HPSE2: variants seen among roughly 807,000 people sequenced by gnomAD.
The protein encoded by HPSE2 is inactive heparanase-2.
HPSE2 carries 38 observed loss-of-function variants against 60.5 expected under a neutral mutation model. The observed-to-expected ratio is 0.63, with a 90% CI of 0.48 to 0.82. The LOEUF is 0.82. HPSE2 is among the 40% of genes least tolerant of loss of function. The probability of loss-of-function intolerance (pLI) is 0.00; values close to 1 mark genes in which losing one functional copy is unlikely to be tolerated. For synonymous variants in HPSE2, 295 were observed against 293.2 expected, an observed-to-expected ratio of 1.01 and a Z score of -0.06; for missense variants, 713 against 740.4, an observed-to-expected ratio of 0.96 and a Z score of 0.43.
chr10:98,733,689 C>T (rs1949282291), intron 4 of HPSE2, among the ~76,000 whole-genome samples: 1 of 152,050 alleles, frequency 6.6e-6, no homozygotes, highest in Admixed American at 6.6e-5. Context: ...GGAAGTGCTA[C>T]ATAAACTAAA....
intron 9 of HPSE2, among the ~76,000 whole-genome samples, chr10:98,544,839 C>A (rs1467564425): frequency 1.5e-4 from 23 of 151,304 alleles, no homozygotes; most frequent in Admixed American, 4.6e-4. Context: ...ACACAAAAAA[C>A]CCTCAAAAAA....
chr10:98,987,265 A>G (rs1392562618), intron 3 of HPSE2, among the ~76,000 whole-genome samples: 3 of 152,116 alleles, frequency 2.0e-5, no homozygotes, highest in African/African-American at 4.8e-5. Flanking sequence ...CTGGCAAACC[A>G]AATCCAGCAG....
At chr10:98,608,639 C>T (rs1316812877) in intron 9 of HPSE2, among the ~76,000 whole-genome samples, 1 of 152,206 alleles carries the variant, frequency 6.6e-6, no homozygotes, top group Non-Finnish European at 1.5e-5. Flanking sequence ...GCCTGAGTCT[C>T]AGTGATTGAT....
intron 3 of HPSE2, among the ~76,000 whole-genome samples, chr10:98,831,561 G>T (rs372991966): frequency 4.1e-4 from 63 of 152,318 alleles, no homozygotes; most frequent in African/African-American, 1.5e-3. Context: ...TTTAGACCCA[G>T]CTGGTGAGCA....
At chr10:98,806,918 C>T (rs549274646) in intron 3 of HPSE2, among the ~76,000 whole-genome samples, 10 of 152,080 alleles carry the variant, frequency 6.6e-5, no homozygotes, top group Non-Finnish European at 1.0e-4. Flanking sequence ...CCGAGGCAGG[C>T]GAATCACGAG....
At chr10:98,865,461 T>C (rs952579574) in intron 3 of HPSE2, among the ~76,000 whole-genome samples, 4 of 152,082 alleles carry the variant, frequency 2.6e-5, no homozygotes, top group Non-Finnish European at 5.9e-5. Flanking sequence ...CTGTAATTTT[T>C]TCAGTTTTCT....
chr10:99,119,099 G>GGGAGGGAGGGAGGGAA (rs1310840182), intron 3 of HPSE2, among the ~76,000 whole-genome samples: 2 of 145,286 alleles, frequency 1.4e-5, no homozygotes, highest in East Asian at 4.1e-4. Flanking sequence ...GAGAGAGAGA[G>GGGAGGGAGGGAGGGAA]GGAGGGAGGG....
chr10:98,964,069 C>G (rs888788290), intron 3 of HPSE2, among the ~76,000 whole-genome samples: 21 of 152,176 alleles, frequency 1.4e-4, no homozygotes, highest in Non-Finnish European at 2.8e-4. Flanking sequence ...ATGAGGAACA[C>G]CTGCATAGTT....
chr10:98,551,842 A>G (rs1343323026), intron 9 of HPSE2, among the ~76,000 whole-genome samples: 3 of 152,184 alleles, frequency 2.0e-5, no homozygotes, highest in African/African-American at 4.8e-5. Context: ...TTGCCTGAAT[A>G]TAAACATCAT....
At chr10:98,464,807 G>A (rs189606435) in intron 11 of HPSE2, among the ~76,000 whole-genome samples, 21 of 152,218 alleles carry the variant, frequency 1.4e-4, no homozygotes, top group African/African-American at 4.6e-4. Context: ...TCATTAATGC[G>A]CCAATTACTA....
chr10:98,931,829 C>A (rs1476186766), intron 3 of HPSE2, among the ~76,000 whole-genome samples: 2 of 143,920 alleles, frequency 1.4e-5, no homozygotes, highest in South Asian at 2.1e-4. Context: ...TATCCTGAGA[C>A]TTTGCTAAAG....
At chr10:99,160,886 G>A (rs1179134657) in intron 2 of HPSE2, among the ~76,000 whole-genome samples, 5 of 116,832 alleles carry the variant, frequency 4.3e-5, no homozygotes, top group African/African-American at 1.2e-4. Context: ...GCGACACAGC[G>A]AGACTCCGTC....
intron 3 of HPSE2, among the ~76,000 whole-genome samples, chr10:99,033,776 C>T (rs1296631873): frequency 6.6e-6 from 1 of 151,588 alleles, no homozygotes; most frequent in South Asian, 2.1e-4. Context: ...GACAGAGACT[C>T]CGTCTCAAAA....
intron 3 of HPSE2, among the ~76,000 whole-genome samples, chr10:98,971,194 T>C (rs1589443923): frequency 6.6e-6 from 1 of 152,224 alleles, no homozygotes; most frequent in South Asian, 2.1e-4. Flanking sequence ...GCACCAGAGT[T>C]ACAGGGACTA....
At chr10:98,725,380 G>A (rs182959388) in intron 4 of HPSE2, among the ~76,000 whole-genome samples, 6 of 152,050 alleles carry the variant, frequency 3.9e-5, no homozygotes, top group African/African-American at 4.8e-5. Context: ...CAAAAACAAG[G>A]AATGGGGAAA....
intron 9 of HPSE2, among the ~76,000 whole-genome samples, chr10:98,506,743 C>A (rs1340485663): frequency 2.0e-5 from 3 of 152,172 alleles, no homozygotes; most frequent in Non-Finnish European, 4.4e-5. Flanking sequence ...GATTTACAGG[C>A]GTCAGCTTCT....
chr10:99,045,594 G>A (rs1463520656), intron 3 of HPSE2, among the ~76,000 whole-genome samples: 1 of 151,994 alleles, frequency 6.6e-6, no homozygotes, highest in Non-Finnish European at 1.5e-5. Flanking sequence ...TGGCTAGCTA[G>A]ATTAGCAATG....
chr10:98,607,702 G>T (rs948596302), intron 9 of HPSE2, among the ~76,000 whole-genome samples: 1 of 152,094 alleles, frequency 6.6e-6, no homozygotes, highest in Non-Finnish European at 1.5e-5. Context: ...ATTATAAAAA[G>T]TTAAATTACT....
chr10:98,483,480 T>C (rs1218946113), intron 10 of HPSE2, among the ~76,000 whole-genome samples: 1 of 152,240 alleles, frequency 6.6e-6, no homozygotes, highest in East Asian at 1.9e-4. Context: ...TTATTTCTGA[T>C]GGATAAAGTC....
Sources: gnomAD v4.1 joint callset for allele counts (sites outside exome capture counted in the v4.1 genomes callset) on GRCh38, gnomAD v4.1.1 for gene constraint, MANE v1.5 for transcripts, NCBI Gene and HGNC (gene_info 2026-07-23, HGNC 2026-07-21) for gene names.